Variants in LRRC71 observed in about 807,000 individuals in gnomAD.
LRRC71 encodes leucine-rich repeat-containing protein 71.
Under a neutral mutation model 66.6 loss-of-function variants are expected in LRRC71, and 54 were observed. The ratio of observed to expected loss-of-function variants is 0.81; its 90% CI spans 0.65 to 1.02. The LOEUF (loss-of-function observed/expected upper bound fraction) is 1.02. LRRC71 is among the 50% of genes least tolerant of loss of function. The probability of loss-of-function intolerance (pLI) is 0.00; values close to 1 mark genes in which losing one functional copy is unlikely to be tolerated. For missense variants in LRRC71, 724 were observed against 718.0 expected, an observed-to-expected ratio of 1.01 and a Z score of -0.10; for synonymous variants, 323 against 303.9, an observed-to-expected ratio of 1.06 and a Z score of -0.65.
Position 156,927,232 on chromosome 1 carries a change from G to A in LRRC71, c.624G>A (p.Pro208=), listed in dbSNP as rs746636978. Residue 208 remains proline (P), a synonymous_variant, in exon 6 of 15, where the codon CCG becomes CCA. Coordinates refer to ENST00000337428, the MANE Select transcript of LRRC71 (RefSeq NM_144702.3). ...TGTCTCTGGAGGGGAACCCACTGCC[G>A]GAGCAGTCCTATCACAAGCTCATGG... ...RKVSLEGNPL[P]EQSYHKLMAL... The A allele has an allele frequency of 3.7e-6, 6 of 1,613,350 alleles. No individual in the cohort carries two copies. Among genetic ancestry groups the A allele is most frequent in the African/African-American group, 2.7e-5 (2 of 74,866 alleles).
chr1:156,920,900 G>T lies in LRRC71; in HGVS notation c.97G>T (p.Ala33Ser). 1 of 1,540,214 alleles carries T rather than the reference G, an allele frequency of 6.5e-7. No individual in the cohort carries two copies. The highest frequency in any genetic ancestry group is 1.9e-4 in the Middle Eastern group (1 of 5,208). ...CGCGGTGACCAAAAAGGGAGAGCGC[G>T]CGGCCAAAGAGAAGCCAGCGACCGT... is the stretch of plus-strand genomic sequence containing the variant. Reference protein sequence around the residue: ...SGAVTKKGERAAKEKPATVLP... With the variant: ...SGAVTKKGERSAKEKPATVLP... The change falls in exon 1 of 15, where the codon GCG becomes TCG. Residue 33 changes from alanine (A) to serine (S), a missense_variant. Physicochemically the swap from Ala to Ser is moderately conservative, Grantham distance 99. Transcript: ENST00000337428. This position sits in a 1 kb window ranked among gnomAD's most constrained non-coding sequence, Gnocchi z 4.9.
chr1:156,928,267 G>C (rs1039057983), intron 9 of LRRC71, among the ~76,000 whole-genome samples: 1 of 152,098 alleles, frequency 6.6e-6, no homozygotes, highest in Non-Finnish European at 1.5e-5. Flanking sequence ...CTGAAATCCG[G>C]CTCATCCATA....
chr1:156,921,682 C>T lies in LRRC71; in HGVS notation c.160+719C>T, dbSNP rs1434245328. On this transcript the variant is annotated intron_variant, in intron 1 of 14. Coordinates refer to ENST00000337428, the MANE Select transcript of LRRC71 (RefSeq NM_144702.3). ...AGGGAAGACAAGACAGTATACAATC[C>T]CCTACAGGTACGAAGCCAGTTACAT... The T allele has an allele frequency of 4.1e-6, 4 of 980,696 alleles. No individual in the cohort carries two copies. The African/African-American group carries it at 5.3e-5, about 13-fold the overall frequency. The allele number at this position is 980,696 out of a possible 1,614,324, so 60.7% of individuals were successfully genotyped here.
At position 156,924,062 on chromosome 1, in the gene LRRC71, G is replaced by T. The variant is rs1158886320; in HGVS notation, c.274G>T (p.Val92Phe). ...VNRPRPHPPFVPSASLSEKAT... is the reference protein window; with the variant it reads ...VNRPRPHPPFFPSASLSEKAT... Reference sequence around the variant, plus strand: ...CCGGCCCCGCCCCCACCCGCCCTTCGTCCCCTCCGCCTCTTTGTCGGAAAA... The same window carrying T: ...CCGGCCCCGCCCCCACCCGCCCTTCTTCCCCTCCGCCTCTTTGTCGGAAAA... Residue 92 changes from valine to phenylalanine, a missense_variant, in exon 2 of 15, where the codon GTC becomes TTC. Physicochemically the swap from Val to Phe is conservative, Grantham distance 50. Coordinates refer to ENST00000337428, the MANE Select transcript of LRRC71 (RefSeq NM_144702.3). 1 of 1,455,196 alleles carries T rather than the reference G, an allele frequency of 6.9e-7. No homozygotes were observed. The highest frequency in any genetic ancestry group is 1.3e-5 in the South Asian group (1 of 78,748). The allele number at this position is 1,455,196 out of a possible 1,614,324, so 90.1% of individuals were successfully genotyped here.
At chr1:156,931,843 A>G (rs1654415050) in intron 12 of LRRC71, 73 bp from the exon 13 acceptor site, 1 of 1,085,140 alleles carries the variant, frequency 9.2e-7, no homozygotes, top group Non-Finnish European at 1.4e-6. Context: ...TGTATGTTGA[A>G]TGAATGAATG....
downstream of LRRC71, among the ~76,000 whole-genome samples, chr1:156,936,485 A>AATAAAAAT (rs1486013206): frequency 4.0e-5 from 3 of 75,402 alleles, no homozygotes; most frequent in African/African-American, 1.8e-4. Flanking sequence ...AAATAGAAAA[A>AATAAAAAT]AAAAAAAAAA....
chr1:156,930,387 C>T, intron 11 of LRRC71, 142 bp from the exon 12 acceptor site: 1 of 655,154 alleles, frequency 1.5e-6, no homozygotes, highest in East Asian at 2.9e-5. Context: ...GCTACAGCGC[C>T]CAGCCCCCTC....
rs761941309 is a variant in LRRC71, at chr1:156,929,698, G to A, written c.1209G>A (p.Lys403=). Residue 403 remains lysine (K), a synonymous_variant, in exon 11 of 15, where the codon AAG becomes AAA. Transcript: ENST00000337428. ...AGTCACCCACACAAGGAACCCCTAA[G>A]AAGGAAGATGCCACAAAGGCAGGCA... ...SGQSPTQGTP[K]KEDATKAGKG... 6.3e-7 allele frequency: 1 copy of A among 1,576,522 alleles called. No homozygotes were observed. Among genetic ancestry groups the A allele is most frequent in the South Asian group, 1.2e-5 (1 of 85,600 alleles).
chr1:156,938,828 C>A, the LRRC71 span: 1 of 360,894 alleles, frequency 2.8e-6, no homozygotes, highest in South Asian at 4.9e-5. Flanking sequence ...GGCCCACTAG[C>A]GTGGAACCCC....
intron 13 of LRRC71, 36 bp from the exon 14 acceptor site, chr1:156,932,388 G>C (rs751460466): frequency 9.0e-6 from 14 of 1,557,654 alleles, no homozygotes; most frequent in Non-Finnish European, 1.2e-5. Flanking sequence ...TGAGGCCTGT[G>C]GTGCTAAGAG....
At chr1:156,929,146 T>C in intron 9 of LRRC71, 134 bp from the exon 10 acceptor site, 3 of 1,038,548 alleles carry the variant, frequency 2.9e-6, no homozygotes, top group Non-Finnish European at 4.1e-6. Flanking sequence ...TATTTTAGCA[T>C]TTAGGCAGGG....
At chr1:156,935,644 C>T (rs1173463059), downstream of LRRC71, 3 of 216,978 alleles carry the variant, frequency 1.4e-5, no homozygotes, top group Non-Finnish European at 2.7e-5. Flanking sequence ...CAGAAGCCTC[C>T]TCCTTTCACT....
chr1:156,938,561 G>A, the LRRC71 span: 14 of 1,569,784 alleles, frequency 8.9e-6, no homozygotes, highest in Non-Finnish European at 1.2e-5. Flanking sequence ...CAAAACACAA[G>A]GAAAGGGAAG....
At chr1:156,927,145 C>T in intron 5 of LRRC71, 57 bp from the exon 6 acceptor site, 1 of 1,503,160 alleles carries the variant, frequency 6.7e-7, no homozygotes, top group Non-Finnish European at 9.1e-7. Context: ...TCTCTGTTCC[C>T]TTCCCTTACC....
downstream of LRRC71, chr1:156,937,525 G>A: frequency 1.3e-6 from 2 of 1,506,114 alleles, no homozygotes; most frequent in Non-Finnish European, 1.8e-6. Context: ...AATGAGATCA[G>A]GAGGCAAACA....
intron 11 of LRRC71, 104 bp downstream of exon 11, chr1:156,929,833 C>G: frequency 1.1e-6 from 1 of 893,718 alleles, no homozygotes; most frequent in South Asian, 1.7e-5. Context: ...CTGCCTGGAG[C>G]TCATCTCGCC....
At position 156,921,712 on chromosome 1, in the gene LRRC71, A is replaced by AAAAC. The variant is rs1207574697; in HGVS notation, c.160+750_160+751insAACA. The AAAAC allele has an allele frequency of 7.4e-4, 207 of 278,566 alleles. 2 individuals are homozygous for AAAAC. The highest frequency in any genetic ancestry group is 5.4e-3 in the African/African-American group (198 of 36,726). 17.3% of individuals were successfully genotyped at this position (278,566 alleles called of 1,614,324 possible). A position where few individuals can be genotyped will look rare whatever the true frequency, so the allele number is the denominator to read the frequency against. The stretch of plus-strand genomic sequence containing the variant: ...CAGGTACGAAGCCAGTTACATTCAA[A>AAAAC]ACACACACACACACACACACACACA... On this transcript the variant is annotated intron_variant, in intron 1 of 14. Transcript: ENST00000337428.
At chr1:156,928,563 C>CTTTTTTTTTTT (rs58180096) in intron 9 of LRRC71, among the ~76,000 whole-genome samples, 1 of 80,242 alleles carries the variant, frequency 1.2e-5, no homozygotes, top group Non-Finnish European at 2.3e-5. Flanking sequence ...CTTCTTCTTA[C>CTTTTTTTTTTT]TTTTTTTTTT....
intron 11 of LRRC71, among the ~76,000 whole-genome samples, 173 bp downstream of exon 11, chr1:156,929,902 G>A (rs1181434511): frequency 1.3e-5 from 2 of 152,164 alleles, no homozygotes; most frequent in Admixed American, 6.5e-5. Flanking sequence ...GCCGCATCCA[G>A]CCCAGACATC....
Sources: allele counts gnomAD v4.1 joint callset (sites outside exome capture counted in the v4.1 genomes callset), GRCh38; gene constraint gnomAD v4.1.1; non-coding constraint Gnocchi (gnomAD v3.1); transcripts MANE v1.5; gene names NCBI Gene and HGNC (gene_info 2026-07-23, HGNC 2026-07-21).